The following EDAR variants were observed in gnomAD, a reference collection of about 807,000 sequenced individuals.
EDAR encodes tumor necrosis factor receptor superfamily member EDAR.
A neutral mutation model predicts 51.3 loss-of-function variants in EDAR; 38 were observed. The observed-to-expected ratio is 0.74, with a 90% CI of 0.57 to 0.97. The LOEUF is 0.97. Ranked by LOEUF, EDAR falls within the 50% of genes least tolerant of loss-of-function variation. The probability of loss-of-function intolerance (pLI) is 0.00; values close to 1 mark genes in which losing one functional copy is unlikely to be tolerated. For missense variants in EDAR, 528 were observed against 595.0 expected, an observed-to-expected ratio of 0.89 and a Z score of 1.17; for synonymous variants, 227 against 242.1, an observed-to-expected ratio of 0.94 and a Z score of 0.58.
chr2:108,894,476 TTAATG>T lies in EDAR; in HGVS notation c.*2426_*2430del, dbSNP rs555061424. ...ACATTACGGTAGTCTATAAATCTTA[TTAATG>T]TGTTTATTGAGATTATAAAATATAA... On this transcript the variant is annotated 3_prime_UTR_variant, in exon 12 of 12. Transcript: ENST00000258443. The T allele has an allele frequency of 4.9e-3, 741 of 152,614 alleles. 1 individual carries two copies. Among genetic ancestry groups the T allele is most frequent in the Non-Finnish European group, 7.9e-3 (539 of 68,010 alleles). 9.5% of individuals were successfully genotyped at this position (152,614 alleles called of 1,614,324 possible).
chr2:108,912,581 C>T (rs989971788), intron 6 of EDAR, 97 bp downstream of exon 6: 1 of 1,204,234 alleles, frequency 8.3e-7, no homozygotes. Flanking sequence ...GGGAAGCGCA[C>T]CATAATCATC....
At chr2:108,988,516 G>A (rs763337008) in intron 1 of EDAR, among the ~76,000 whole-genome samples, 7 of 152,164 alleles carry the variant, frequency 4.6e-5, no homozygotes, top group Non-Finnish European at 8.8e-5. Flanking sequence ...AACCCCACTT[G>A]GAAGGTCTCT....
intron 1 of EDAR, among the ~76,000 whole-genome samples, chr2:108,947,226 G>A (rs1336919053): frequency 1.3e-5 from 2 of 152,226 alleles, no homozygotes; most frequent in Non-Finnish European, 2.9e-5. Flanking sequence ...GCATGCTGAT[G>A]CAAGGGGTGG....
At chr2:108,913,562 C>T (rs991178526) in intron 5 of EDAR, among the ~76,000 whole-genome samples, 27 of 152,220 alleles carry the variant, frequency 1.8e-4, no homozygotes, top group African/African-American at 6.5e-4. Context: ...CCTGTAATCC[C>T]AGCACTTTGG....
intron 11 of EDAR, among the ~76,000 whole-genome samples, chr2:108,904,190 C>G (rs1020559259): frequency 2.0e-5 from 3 of 151,898 alleles, no homozygotes; most frequent in African/African-American, 7.3e-5. Context: ...CTGAAGAGGA[C>G]ACACAGATGA....
intron 4 of EDAR, among the ~76,000 whole-genome samples, chr2:108,928,172 C>T (rs1697295424): frequency 6.6e-6 from 1 of 152,176 alleles, no homozygotes; most frequent in Non-Finnish European, 1.5e-5. Context: ...AACTCTTGCT[C>T]TGGCCACAGG....
chr2:108,962,139 C>T (rs1450554272), intron 1 of EDAR, among the ~76,000 whole-genome samples: 1 of 152,146 alleles, frequency 6.6e-6, no homozygotes, highest in Non-Finnish European at 1.5e-5. Flanking sequence ...CATGTGGCGC[C>T]CTGTCTAGGC....
intron 9 of EDAR, 55 bp from the exon 10 acceptor site, chr2:108,908,074 A>G (rs1574369795): frequency 6.5e-7 from 1 of 1,541,330 alleles, no homozygotes; most frequent in East Asian, 2.3e-5. Context: ...TGCAGCCCTG[A>G]CAAGTTCTCC....
At chr2:108,961,500 G>A (rs1698041745) in intron 1 of EDAR, among the ~76,000 whole-genome samples, 1 of 152,220 alleles carries the variant, frequency 6.6e-6, no homozygotes, top group Non-Finnish European at 1.5e-5. Flanking sequence ...TCAGAGGGAG[G>A]TAGAGCTCCT....
At chr2:108,950,672 G>T (rs1354823546) in intron 1 of EDAR, among the ~76,000 whole-genome samples, 7 of 152,210 alleles carry the variant, frequency 4.6e-5, no homozygotes, top group Non-Finnish European at 7.3e-5. Flanking sequence ...TGTTGGAGCT[G>T]CCCTCAGCCT....
At chr2:108,938,833 G>T (rs1041672981) in intron 1 of EDAR, among the ~76,000 whole-genome samples, 1 of 141,598 alleles carries the variant, frequency 7.1e-6, no homozygotes, top group Non-Finnish European at 1.5e-5. Flanking sequence ...GCCCAGGCTG[G>T]CAGTGGCATG....
At chr2:108,919,301 G>A (rs1444081961) in intron 5 of EDAR, among the ~76,000 whole-genome samples, 1 of 152,228 alleles carries the variant, frequency 6.6e-6, no homozygotes, top group East Asian at 1.9e-4. Flanking sequence ...CGTCACTGAT[G>A]ATAAGAAAAC....
rs763729504 is a variant in EDAR, at chr2:108,930,255, G to C, written c.52-13C>G. 2.5e-6 allele frequency: 4 copies of C among 1,613,974 alleles called. No individual in the cohort carries two copies. Among genetic ancestry groups the C allele is most frequent in the African/African-American group, 2.7e-5 (2 of 74,916 alleles). ...ACATCAGAGACACCTGCCAACAAAG[G>C]GGGGTGTTGTGGCCTCCGTACCTCC... On this transcript the variant is annotated splice_polypyrimidine_tract_variant and intron_variant, in intron 2 of 11. Coordinates refer to ENST00000258443, the MANE Select transcript of EDAR (RefSeq NM_022336.4).
chr2:108,909,664 T>A (rs1443065286), intron 9 of EDAR, among the ~76,000 whole-genome samples: 1 of 152,094 alleles, frequency 6.6e-6, no homozygotes, highest in African/African-American at 2.4e-5. Flanking sequence ...TGCTGTGGGG[T>A]TGATTTTTGG....
At chr2:108,923,286 C>G in intron 5 of EDAR, 82 bp downstream of exon 5, 1 of 1,354,574 alleles carries the variant, frequency 7.4e-7, no homozygotes, top group Non-Finnish European at 1.1e-6. Flanking sequence ...GGTGCCAGGA[C>G]CGGCTCTTTC....
intron 5 of EDAR, among the ~76,000 whole-genome samples, chr2:108,916,070 A>G (rs1220980354): frequency 6.6e-6 from 1 of 152,200 alleles, no homozygotes; most frequent in East Asian, 1.9e-4. Flanking sequence ...TTGTGTGCCC[A>G]TTTCTGTTTG....
intron 1 of EDAR, among the ~76,000 whole-genome samples, chr2:108,969,150 A>C (rs1221095803): frequency 6.6e-6 from 1 of 152,108 alleles, no homozygotes; most frequent in Non-Finnish European, 1.5e-5. Context: ...TGAAGAAAGA[A>C]GGCACCTCTG....
At chr2:108,925,199 T>C (rs919566186) in intron 4 of EDAR, among the ~76,000 whole-genome samples, 1 of 152,004 alleles carries the variant, frequency 6.6e-6, no homozygotes, top group Non-Finnish European at 1.5e-5. Flanking sequence ...CTCTATTCCT[T>C]GGACCTTGTG....
intron 1 of EDAR, among the ~76,000 whole-genome samples, chr2:108,943,042 C>T (rs1697638790): frequency 1.3e-5 from 2 of 152,200 alleles, no homozygotes; most frequent in Admixed American, 6.5e-5. Flanking sequence ...TATAAATAAC[C>T]ATTACATGTC....
Sources: allele counts gnomAD v4.1 joint callset (sites outside exome capture counted in the v4.1 genomes callset), GRCh38; gene constraint gnomAD v4.1.1; transcripts MANE v1.5; gene names NCBI Gene and HGNC (gene_info 2026-07-23, HGNC 2026-07-21).